CDH13: variants seen among roughly 807,000 people sequenced by gnomAD.
CDH13 encodes cadherin 13, also known as cadherin-13.
Under a neutral mutation model 63.8 loss-of-function variants are expected in CDH13, and 24 were observed. That is an observed-to-expected ratio of 0.38 (90% CI 0.27 to 0.53). The LOEUF is 0.53. Ranked by LOEUF, CDH13 falls within the 20% of genes least tolerant of loss-of-function variation. CDH13 has a pLI of 0.85. For synonymous variants in CDH13, 503 were observed against 355.3 expected (o/e 1.42, Z -4.67); for missense variants, 1,049 against 903.1 (o/e 1.16, Z -2.07).
intron 7 of CDH13, among the ~76,000 whole-genome samples, chr16:83,562,068 A>C (rs1299490617): frequency 1.3e-5 from 2 of 152,182 alleles, no homozygotes; most frequent in Non-Finnish European, 2.9e-5. Context: ...GCTCATGGTG[A>C]TGTCCAAGTG....
chr16:83,216,834 G>A (rs979597979), intron 4 of CDH13, among the ~76,000 whole-genome samples: 6 of 151,104 alleles, frequency 4.0e-5, no homozygotes, highest in East Asian at 3.9e-4. Flanking sequence ...ATATGTATAT[G>A]TATAAACCTT....
chr16:83,589,087 C>G (rs920178249), intron 7 of CDH13, among the ~76,000 whole-genome samples: 10 of 152,174 alleles, frequency 6.6e-5, no homozygotes, highest in Admixed American at 2.6e-4. Flanking sequence ...GTCAGCAGGT[C>G]TGGATTATTT....
At chr16:83,733,975 A>G (rs558065439) in intron 10 of CDH13, among the ~76,000 whole-genome samples, 17 of 152,344 alleles carry the variant, frequency 1.1e-4, no homozygotes, top group African/African-American at 3.8e-4. Context: ...GCAGAGCACC[A>G]GACTATTTTA....
At chr16:82,898,885 T>A (rs2041361589) in intron 2 of CDH13, among the ~76,000 whole-genome samples, 1 of 152,224 alleles carries the variant, frequency 6.6e-6, no homozygotes, top group African/African-American at 2.4e-5. Context: ...TTTATTAAAG[T>A]GCTTGTTTAT....
chr16:83,378,370 C>T (rs576130751), intron 6 of CDH13, among the ~76,000 whole-genome samples: 36 of 152,244 alleles, frequency 2.4e-4, no homozygotes, highest in African/African-American at 7.9e-4. Flanking sequence ...TGGAGAGGTG[C>T]CCTGAGAAAA....
At chr16:83,101,081 C>T (rs1402123477) in intron 3 of CDH13, among the ~76,000 whole-genome samples, 2 of 151,992 alleles carry the variant, frequency 1.3e-5, no homozygotes, top group Non-Finnish European at 2.9e-5. Flanking sequence ...ATATGCCAGA[C>T]ACTGGTCTAG....
intron 5 of CDH13, among the ~76,000 whole-genome samples, chr16:83,336,503 C>G (rs2090601089): frequency 6.6e-6 from 1 of 152,096 alleles, no homozygotes; most frequent in Non-Finnish European, 1.5e-5. Context: ...GATATCTTAT[C>G]TGTCTGCAAA....
At chr16:83,070,631 G>A (rs2086135033) in intron 3 of CDH13, among the ~76,000 whole-genome samples, 1 of 152,096 alleles carries the variant, frequency 6.6e-6, no homozygotes, top group African/African-American at 2.4e-5. Context: ...TCTCAGGAAG[G>A]AAAGCGCTAG....
intron 4 of CDH13, among the ~76,000 whole-genome samples, chr16:83,208,244 C>G (rs1328880836): frequency 1.3e-5 from 2 of 152,166 alleles, no homozygotes; most frequent in Admixed American, 1.3e-4. Flanking sequence ...AGTTCCCTGG[C>G]TAATTTATGA....
chr16:82,677,415 C>G (rs914532293), intron 1 of CDH13, among the ~76,000 whole-genome samples: 1 of 143,804 alleles, frequency 7.0e-6, no homozygotes, highest in African/African-American at 2.5e-5. Context: ...TACTGAGATT[C>G]AAAGCTATAC....
At chr16:82,858,792 A>G in intron 2 of CDH13, 1 of 395,546 alleles carries the variant, frequency 2.5e-6, no homozygotes, top group East Asian at 3.7e-5. Flanking sequence ...CCCTGGGCAG[A>G]TCCCCAAAAT....
At chr16:83,223,685 A>G (rs1034015485) in intron 5 of CDH13, among the ~76,000 whole-genome samples, 6 of 152,228 alleles carry the variant, frequency 3.9e-5, no homozygotes, top group Non-Finnish European at 7.3e-5. Context: ...GTGCATCTGC[A>G]GGAAGAACCT....
At chr16:83,509,440 G>A (rs12928851) in intron 7 of CDH13, among the ~76,000 whole-genome samples, 95,563 of 152,130 alleles carry the variant, frequency 0.63, 30,437 homozygotes, top group East Asian at 0.84. Context: ...CAACTGTGCA[G>A]CTTTACTTTT....
At chr16:83,125,328 G>C in intron 3 of CDH13, 57 bp from the exon 4 acceptor site, 1 of 937,184 alleles carries the variant, frequency 1.1e-6, no homozygotes, top group Non-Finnish European at 1.7e-6. Flanking sequence ...TCTCGGAGCA[G>C]ACTGATACAT....
At chr16:82,842,121 T>C (rs376507307) in intron 1 of CDH13, among the ~76,000 whole-genome samples, 11 of 46,984 alleles carry the variant, frequency 2.3e-4, no homozygotes, top group Non-Finnish European at 4.0e-4. Flanking sequence ...TGTATATATA[T>C]ATATATATAT....
At chr16:83,525,594 A>C (rs1315335522) in intron 7 of CDH13, among the ~76,000 whole-genome samples, 43 of 152,244 alleles carry the variant, frequency 2.8e-4, no homozygotes, top group Non-Finnish European at 3.2e-4. Context: ...CTCCATTCTG[A>C]CTTCACATCC....
chr16:83,147,418 A>C (rs754584688), intron 4 of CDH13, among the ~76,000 whole-genome samples: 1 of 152,088 alleles, frequency 6.6e-6, no homozygotes, highest in African/African-American at 2.4e-5. Flanking sequence ...GTAAATCTCA[A>C]CATTCCTCAG....
At chr16:83,306,093 G>C (rs1487336592) in intron 5 of CDH13, among the ~76,000 whole-genome samples, 1 of 151,604 alleles carries the variant, frequency 6.6e-6, no homozygotes, top group Non-Finnish European at 1.5e-5. Context: ...TGCAGCCCAG[G>C]TTGTAATAAC....
intron 8 of CDH13, among the ~76,000 whole-genome samples, chr16:83,648,852 C>T (rs2042375): frequency 6.6e-6 from 1 of 151,802 alleles, no homozygotes; most frequent in South Asian, 2.1e-4. Context: ...TTCTTCCTTT[C>T]TTTGTCTCTT....
Sources: gnomAD v4.1 joint callset for allele counts (sites outside exome capture counted in the v4.1 genomes callset) on GRCh38, gnomAD v4.1.1 for gene constraint, MANE v1.5 for transcripts, NCBI Gene and HGNC (gene_info 2026-07-23, HGNC 2026-07-21) for gene names.